CCDC13: variants seen among roughly 807,000 people sequenced by gnomAD.
The protein encoded by CCDC13 is coiled-coil domain-containing protein 13.
Under a neutral mutation model 87.3 loss-of-function variants are expected in CCDC13, and 70 were observed. The observed-to-expected ratio is 0.80, with a 90% CI of 0.66 to 0.98. The LOEUF is 0.98. Ranked by LOEUF, CCDC13 falls within the 50% of genes least tolerant of loss-of-function variation. CCDC13 has a pLI of 0.00. For missense variants in CCDC13, 842 were observed against 892.0 expected (o/e 0.94, Z 0.71); for synonymous variants, 317 against 360.3 (o/e 0.88, Z 1.36).
intron 5 of CCDC13, 134 bp from the exon 6 acceptor site, chr3:42,747,507 A>ACAGGGGTTTATGAGGAT: frequency 1.5e-6 from 1 of 680,754 alleles, no homozygotes; most frequent in South Asian, 1.8e-5. Flanking sequence ...TTTAATCCTC[A>ACAGGGGTTTATGAGGAT]TAAACCCCTG....
chr3:42,722,526 T>A (rs1432706379), intron 13 of CCDC13, among the ~76,000 whole-genome samples: 1 of 152,108 alleles, frequency 6.6e-6, no homozygotes, highest in Non-Finnish European at 1.5e-5. Flanking sequence ...CAGGTTGCAG[T>A]AAAGAAGCTG....
intron 1 of CCDC13, among the ~76,000 whole-genome samples, chr3:42,770,030 G>T (rs1239577136): frequency 6.6e-6 from 1 of 152,240 alleles, no homozygotes; most frequent in Non-Finnish European, 1.5e-5. Context: ...CCCATCAAAA[G>T]CCCAAGGGCT....
chr3:42,751,867 C>T (rs932123256), intron 5 of CCDC13, 69 bp downstream of exon 5: 33 of 1,381,904 alleles, frequency 2.4e-5, no homozygotes, highest in Non-Finnish European at 3.4e-5. Flanking sequence ...ACCTACACAC[C>T]TGTGGAGGAG....
At chr3:42,705,432 T>C (rs973956006), downstream of CCDC13, among the ~76,000 whole-genome samples, 2 of 152,158 alleles carry the variant, frequency 1.3e-5, no homozygotes, top group Non-Finnish European at 2.9e-5. Context: ...GTGGGGACAG[T>C]GGCCAAACTA....
intron 12 of CCDC13, among the ~76,000 whole-genome samples, chr3:42,731,881 T>C (rs1029099069): frequency 3.3e-5 from 5 of 152,134 alleles, no homozygotes; most frequent in African/African-American, 1.2e-4. Context: ...TATTTGTGTG[T>C]TGTGGAAGAA....
intron 9 of CCDC13, among the ~76,000 whole-genome samples, chr3:42,737,185 T>C (rs1477413346): frequency 6.6e-6 from 1 of 152,142 alleles, no homozygotes; most frequent in African/African-American, 2.4e-5. Flanking sequence ...GTCCTTGTGA[T>C]AGTTTGCTGA....
chr3:42,762,066 T>C (rs1699843631), intron 1 of CCDC13, among the ~76,000 whole-genome samples: 1 of 152,194 alleles, frequency 6.6e-6, no homozygotes, highest in South Asian at 2.1e-4. Flanking sequence ...AATCTAAAAA[T>C]GCTGATAACC....
intron 13 of CCDC13, among the ~76,000 whole-genome samples, chr3:42,716,080 C>T (rs1225503812): frequency 6.6e-6 from 1 of 152,174 alleles, no homozygotes; most frequent in Non-Finnish European, 1.5e-5. Flanking sequence ...AACAGCACAG[C>T]TAATACTTTT....
chr3:42,751,768 T>A (rs1475112727), intron 5 of CCDC13, among the ~76,000 whole-genome samples, 168 bp downstream of exon 5: 1 of 152,260 alleles, frequency 6.6e-6, no homozygotes, highest in African/African-American at 2.4e-5. Flanking sequence ...TGTTCTCTGA[T>A]GTCTGCTCTG....
Position 42,709,801 on chromosome 3 carries a change from G to A in CCDC13, c.1874-3C>T. On this transcript the variant is annotated splice_region_variant and splice_polypyrimidine_tract_variant and intron_variant, in intron 14 of 15. Coordinates refer to ENST00000310232, the MANE Select transcript of CCDC13 (RefSeq NM_144719.4). ...CCTGTTGTTAGAGGTGGGCAGACCT[G>A]TGGGGCAGCAGCAACCACTTTCTGT... The A allele has an allele frequency of 1.2e-6, 2 of 1,612,498 alleles. No homozygotes were observed. Among genetic ancestry groups the A allele is most frequent in the East Asian group, 4.5e-5 (2 of 44,848 alleles).
intron 13 of CCDC13, among the ~76,000 whole-genome samples, chr3:42,716,704 T>C (rs1044459061): frequency 2.0e-5 from 3 of 152,264 alleles, no homozygotes; most frequent in Admixed American, 1.3e-4. Context: ...GGTGAGGATA[T>C]AGAAAAATTA....
At chr3:42,730,831 T>G (rs534126619) in intron 12 of CCDC13, among the ~76,000 whole-genome samples, 1 of 152,268 alleles carries the variant, frequency 6.6e-6, no homozygotes, top group African/African-American at 2.4e-5. Flanking sequence ...CTGGTACCTC[T>G]GTCCATCCAA....
At chr3:42,724,099 T>C (rs1231977013) in intron 13 of CCDC13, among the ~76,000 whole-genome samples, 1 of 152,222 alleles carries the variant, frequency 6.6e-6, no homozygotes, top group African/African-American at 2.4e-5. Context: ...ATTTCAATAA[T>C]GTATGCATTT....
intron 13 of CCDC13, among the ~76,000 whole-genome samples, chr3:42,724,744 G>C (rs1482933305): frequency 6.6e-6 from 1 of 152,166 alleles, no homozygotes; most frequent in African/African-American, 2.4e-5. Context: ...CCAATGTGAA[G>C]TGAAGAATAT....
intron 7 of CCDC13, among the ~76,000 whole-genome samples, chr3:42,743,616 T>C (rs1455066709): frequency 7.4e-6 from 1 of 135,746 alleles, no homozygotes; most frequent in Non-Finnish European, 1.6e-5. Context: ...CACACATATA[T>C]ATATACACAT....
chr3:42,722,253 C>T (rs1272010208), intron 13 of CCDC13, among the ~76,000 whole-genome samples: 3 of 152,168 alleles, frequency 2.0e-5, no homozygotes, highest in East Asian at 1.9e-4. Flanking sequence ...GGAATATCAT[C>T]GCCCCTATTC....
At chr3:42,760,453 C>G (rs1002711953) in intron 1 of CCDC13, among the ~76,000 whole-genome samples, 4 of 152,060 alleles carry the variant, frequency 2.6e-5, no homozygotes, top group African/African-American at 9.7e-5. Context: ...CCCATCTCTA[C>G]TAAAAATACA....
chr3:42,761,113 T>C (rs1368962435), intron 1 of CCDC13, among the ~76,000 whole-genome samples: 3 of 152,214 alleles, frequency 2.0e-5, no homozygotes, highest in Non-Finnish European at 4.4e-5. Flanking sequence ...GATTTTAAAG[T>C]GTAGCCAGTG....
Position 42,709,121 on chromosome 3 carries a change from C to T in CCDC13, c.2007G>A (p.Glu669=), listed in dbSNP as rs112048676. 1.1e-5 allele frequency: 18 copies of T among 1,612,208 alleles called. No homozygotes were observed. In the East Asian group the frequency reaches 2.0e-4, roughly 18 times the overall value. The change falls in exon 16 of 16, where the codon GAG becomes GAA. Residue 669 remains glutamate, a synonymous_variant. Coordinates refer to ENST00000310232, the MANE Select transcript of CCDC13 (RefSeq NM_144719.4). ...ELTTRLAIQV[E]ENEMLKAALG... ...GGGCAGCCTTTAGCATTTCATTCTC[C>T]TCCACCTGGATGGCCAGCCTGGACC...
Sources: allele counts gnomAD v4.1 joint callset (sites outside exome capture counted in the v4.1 genomes callset), GRCh38; gene constraint gnomAD v4.1.1; transcripts MANE v1.5; gene names NCBI Gene and HGNC (gene_info 2026-07-23, HGNC 2026-07-21).